The following ATP8B4 variants were observed in gnomAD, a reference collection of about 807,000 sequenced individuals.
The protein encoded by ATP8B4 is probable phospholipid-transporting ATPase IM.
ATP8B4 carries 133 observed loss-of-function variants against 145.6 expected under a neutral mutation model. The ratio of observed to expected loss-of-function variants is 0.91; its 90% confidence interval spans 0.79 to 1.05. ATP8B4 has a LOEUF of 1.05. Among genes scored for constraint, ATP8B4 ranks in the 50% least tolerant of loss-of-function variants. The pLI, the probability that ATP8B4 is intolerant of heterozygous loss-of-function variation, is 0.00. For synonymous variants in ATP8B4, 507 were observed against 492.9 expected (o/e 1.03, Z -0.38); for missense variants, 1,458 against 1,425.2 (o/e 1.02, Z -0.37).
At chr15:50,015,132 T>A (rs2048992952) in intron 6 of ATP8B4, among the ~76,000 whole-genome samples, 1 of 152,216 alleles carries the variant, frequency 6.6e-6, no homozygotes, top group Admixed American at 6.5e-5. Flanking sequence ...TAAGTTACAT[T>A]ATTAGGAAAT....
intron 3 of ATP8B4, among the ~76,000 whole-genome samples, chr15:50,057,444 T>G (rs993731623): frequency 7.2e-5 from 11 of 152,226 alleles, no homozygotes; most frequent in Non-Finnish European, 1.5e-4. Context: ...AGGAAGTCTC[T>G]AGACTGCCTT....
chr15:50,024,090 A>T (rs2049822911), intron 6 of ATP8B4, among the ~76,000 whole-genome samples: 1 of 152,218 alleles, frequency 6.6e-6, no homozygotes, highest in African/African-American at 2.4e-5. Flanking sequence ...GTAAATTCCC[A>T]TAAAAGTTAT....
At chr15:50,006,519 T>A (rs1237519466) in intron 7 of ATP8B4, among the ~76,000 whole-genome samples, 1 of 146,208 alleles carries the variant, frequency 6.8e-6, no homozygotes, top group Non-Finnish European at 1.5e-5. Context: ...AAGGCCTCTC[T>A]GGAAGTGTGT....
intron 12 of ATP8B4, among the ~76,000 whole-genome samples, chr15:49,976,594 AT>A (rs1221780274): frequency 1.3e-5 from 2 of 152,176 alleles, no homozygotes; most frequent in African/African-American, 4.8e-5. Context: ...GAAGTTCTTT[AT>A]TTATCTGAAA....
chr15:49,979,740 T>A lies in ATP8B4; in HGVS notation c.911A>T (p.Asp304Val). 1 of 1,611,472 alleles carries A rather than the reference T, an allele frequency of 6.2e-7. No homozygotes were observed. The highest frequency in any genetic ancestry group is 1.3e-5 in the African/African-American group (1 of 74,920). ...CCAAAAGAGGAAAGTTCTGAATTGG[T>A]CCCCAGTTTGACTCTCCCAGATTGA... ...GNSIWESQTG[D>V]QFRTFLFWNE... The change falls in exon 12 of 28, where the codon GAC (aspartate) becomes GTC (valine). Residue 304 changes from aspartate to valine, a missense_variant. By Grantham distance (152) the Asp-to-Val change is radical (BLOSUM62 -3). Transcript: ENST00000284509.
chr15:49,964,835 G>C (rs1387368172), intron 13 of ATP8B4, among the ~76,000 whole-genome samples: 1 of 152,136 alleles, frequency 6.6e-6, no homozygotes, highest in Non-Finnish European at 1.5e-5. Context: ...CCACATGTCT[G>C]ATAAGTCCTT....
chr15:50,120,978 G>T (rs146194459), upstream of ATP8B4, among the ~76,000 whole-genome samples: 3 of 152,264 alleles, frequency 2.0e-5, no homozygotes, highest in Non-Finnish European at 4.4e-5. Flanking sequence ...GAGCAAAGTA[G>T]AGACTCAATA....
At chr15:50,042,041 G>A (rs921231556) in intron 5 of ATP8B4, among the ~76,000 whole-genome samples, 1 of 151,880 alleles carries the variant, frequency 6.6e-6, no homozygotes, top group African/African-American at 2.4e-5. Flanking sequence ...TGTAGTCCCA[G>A]CTACTCAGGA....
intron 21 of ATP8B4, among the ~76,000 whole-genome samples, chr15:49,898,787 C>T (rs1271869368): frequency 1.3e-5 from 2 of 152,094 alleles, no homozygotes; most frequent in Non-Finnish European, 2.9e-5. Context: ...TGACTGAAAC[C>T]CAGAGAGGCC....
intron 6 of ATP8B4, among the ~76,000 whole-genome samples, chr15:50,020,609 T>A (rs543263560): frequency 1.3e-5 from 2 of 152,250 alleles, no homozygotes; most frequent in South Asian, 2.1e-4. Flanking sequence ...CTCTACAGAA[T>A]GACTAATATC....
intron 1 of ATP8B4, among the ~76,000 whole-genome samples, chr15:50,143,425 G>T (rs2044237953): frequency 6.6e-6 from 1 of 152,232 alleles, no homozygotes; most frequent in Non-Finnish European, 1.5e-5. Context: ...TCTCCAAGTA[G>T]ATCTCTCCAT....
chr15:50,029,725 A>G (rs2050294209), intron 6 of ATP8B4, among the ~76,000 whole-genome samples: 1 of 152,226 alleles, frequency 6.6e-6, no homozygotes, highest in South Asian at 2.1e-4. Context: ...AGGAAAAAGA[A>G]GAGGAGGAAG....
At chr15:50,150,906 G>A (rs1047391768) in intron 1 of ATP8B4, among the ~76,000 whole-genome samples, 1 of 152,178 alleles carries the variant, frequency 6.6e-6, no homozygotes, top group Non-Finnish European at 1.5e-5. Context: ...AGTGAAAATG[G>A]TTGGCATTAA....
At chr15:50,098,306 T>A (rs1305374088) in intron 2 of ATP8B4, among the ~76,000 whole-genome samples, 2 of 77,034 alleles carry the variant, frequency 2.6e-5, no homozygotes, top group Non-Finnish European at 4.9e-5. Context: ...TTTTTTTTTT[T>A]TTTTAGATAG....
At chr15:50,085,980 A>ATTTATATATGAT (rs1567331562) in intron 2 of ATP8B4, among the ~76,000 whole-genome samples, 542 of 20,418 alleles carry the variant, frequency 0.027, 28 homozygotes, top group East Asian at 0.097. Flanking sequence ...TGATATATCA[A>ATTTATATATGAT]ATATATCATA....
At chr15:49,912,759 T>C (rs986119980) in intron 20 of ATP8B4, among the ~76,000 whole-genome samples, 6 of 151,854 alleles carry the variant, frequency 4.0e-5, no homozygotes, top group African/African-American at 7.3e-5. Flanking sequence ...AACATAGACA[T>C]AAATATTCTG....
At chr15:50,118,945 C>CA (rs1228477865) in intron 1 of ATP8B4, among the ~76,000 whole-genome samples, 178 bp downstream of exon 1, 1 of 152,100 alleles carries the variant, frequency 6.6e-6, no homozygotes, top group Non-Finnish European at 1.5e-5. Context: ...CTAACTCCCC[C>CA]AAATTTATTT....
chr15:50,032,797 C>T (rs1187951904), intron 6 of ATP8B4, among the ~76,000 whole-genome samples: 1 of 151,880 alleles, frequency 6.6e-6, no homozygotes, highest in Non-Finnish European at 1.5e-5. Flanking sequence ...TATAAGAAAT[C>T]TTGGCATAGA....
intron 2 of ATP8B4, among the ~76,000 whole-genome samples, chr15:50,095,036 A>G (rs1277463686): frequency 6.6e-6 from 1 of 152,140 alleles, no homozygotes; most frequent in East Asian, 1.9e-4. Context: ...GGAGAAGCCA[A>G]GAGCATCAAA....
Sources: gnomAD v4.1 joint callset for allele counts (sites outside exome capture counted in the v4.1 genomes callset) on GRCh38, gnomAD v4.1.1 for gene constraint, MANE v1.5 for transcripts, NCBI Gene and HGNC (gene_info 2026-07-23, HGNC 2026-07-21) for gene names.